Variants in PNLIPRP3 observed in about 807,000 individuals in gnomAD.
PNLIPRP3 encodes pancreatic lipase related protein 3, also known as pancreatic lipase-related protein 3.
Under a neutral mutation model 52.8 loss-of-function variants are expected in PNLIPRP3, and 58 were observed. That is an observed-to-expected ratio of 1.10 (90% CI 0.89 to 1.37). PNLIPRP3 has a LOEUF of 1.37. Among genes scored for constraint, PNLIPRP3 ranks in the 40% most tolerant of loss-of-function variants. The pLI, the probability that PNLIPRP3 is intolerant of heterozygous loss-of-function variation, is 0.00. For synonymous variants in PNLIPRP3, 192 were observed against 185.0 expected (o/e 1.04, Z -0.31); for missense variants, 593 against 561.6 (o/e 1.06, Z -0.57).
chr10:116,462,036 T>G (rs926848466), intron 7 of PNLIPRP3, among the ~76,000 whole-genome samples: 15 of 152,150 alleles, frequency 9.9e-5, no homozygotes, highest in Non-Finnish European at 2.2e-4. Context: ...TAGAAAAGAC[T>G]TAAGCTTTCA....
chr10:116,442,970 T>C (rs1470557994), intron 2 of PNLIPRP3, 85 bp from the exon 3 acceptor site: 1 of 1,059,404 alleles, frequency 9.4e-7, no homozygotes, highest in Admixed American at 3.8e-5. Context: ...AGTGAAAGGC[T>C]TTCGAGCAGC....
chr10:116,436,470 G>T (rs1488463664), intron 1 of PNLIPRP3, among the ~76,000 whole-genome samples: 2 of 152,040 alleles, frequency 1.3e-5, no homozygotes, highest in East Asian at 3.8e-4. Flanking sequence ...AAAAGCACAG[G>T]CAACGAAATA....
chr10:116,440,250 G>A (rs1301244009), intron 2 of PNLIPRP3, among the ~76,000 whole-genome samples: 2 of 152,132 alleles, frequency 1.3e-5, no homozygotes, highest in African/African-American at 4.8e-5. Flanking sequence ...AAGTGGCCAT[G>A]CACTTGAATT....
chr10:116,443,887 G>A (rs1228948891), intron 3 of PNLIPRP3, among the ~76,000 whole-genome samples: 2 of 145,174 alleles, frequency 1.4e-5, no homozygotes, highest in Admixed American at 7.0e-5. Context: ...ACAGAGCTTA[G>A]CCTGTGGTAG....
At chr10:116,460,770 G>A (rs888371873) in intron 5 of PNLIPRP3, among the ~76,000 whole-genome samples, 196 bp from the exon 6 acceptor site, 2 of 151,822 alleles carry the variant, frequency 1.3e-5, no homozygotes, top group Admixed American at 6.5e-5. Context: ...TCTCAACATA[G>A]CATTACTTAT....
chr10:116,474,644 T>C (rs1288165674), intron 10 of PNLIPRP3, among the ~76,000 whole-genome samples: 1 of 151,940 alleles, frequency 6.6e-6, no homozygotes, highest in African/African-American at 2.4e-5. Flanking sequence ...GCAAAGGACA[T>C]CAACAGACAC....
chr10:116,466,479 T>G (rs1400306772), intron 8 of PNLIPRP3, among the ~76,000 whole-genome samples: 1 of 152,208 alleles, frequency 6.6e-6, no homozygotes, highest in African/African-American at 2.4e-5. Context: ...AGGGCAAAAA[T>G]ATTTCTGCAT....
At position 116,444,526 on chromosome 10, in the gene PNLIPRP3, GA is replaced by G. The variant is rs756099707; in HGVS notation, c.456+14del. The G allele has an allele frequency of 9.0e-5, 144 of 1,602,116 alleles. No individual in the cohort carries two copies. Among genetic ancestry groups the G allele is most frequent in the Non-Finnish European group, 1.2e-4 (140 of 1,175,528 alleles). On this transcript the variant is annotated intron_variant, in intron 4 of 11. Transcript: ENST00000369230. Reference sequence around the variant, plus strand: ...TGATGTTCTCATGGTAAGAAGAGTTGATTTTTTTTTAATTATATTGAATTGG... The same window carrying G: ...TGATGTTCTCATGGTAAGAAGAGTTGTTTTTTTTTAATTATATTGAATTGG...
At chr10:116,442,368 A>G (rs1845871022) in intron 2 of PNLIPRP3, among the ~76,000 whole-genome samples, 1 of 152,160 alleles carries the variant, frequency 6.6e-6, no homozygotes, top group Non-Finnish European at 1.5e-5. Flanking sequence ...TGGGGTGGAC[A>G]ACCTCCATTT....
intron 4 of PNLIPRP3, among the ~76,000 whole-genome samples, chr10:116,445,532 T>A (rs1845933291): frequency 7.0e-6 from 1 of 142,794 alleles, no homozygotes; most frequent in Non-Finnish European, 1.5e-5. Context: ...AAGGATGAAA[T>A]CAGATTCATC....
intron 3 of PNLIPRP3, among the ~76,000 whole-genome samples, chr10:116,443,998 A>T (rs1845904335): frequency 6.6e-6 from 1 of 151,954 alleles, no homozygotes; most frequent in Admixed American, 6.5e-5. Context: ...ATTGACTCAC[A>T]GTTCAGCATA....
At chr10:116,457,381 C>CA (rs1846130938) in intron 5 of PNLIPRP3, among the ~76,000 whole-genome samples, 1 of 152,166 alleles carries the variant, frequency 6.6e-6, no homozygotes, top group African/African-American at 2.4e-5. Context: ...CTCACACACA[C>CA]ACACATACAT....
chr10:116,473,817 G>A (rs7088209), intron 10 of PNLIPRP3, among the ~76,000 whole-genome samples: 2,470 of 151,986 alleles, frequency 0.016, 72 homozygotes, highest in African/African-American at 0.057. Flanking sequence ...CACCGCACCT[G>A]GCCAAACTGC....
chr10:116,466,740 A>G (rs1193281048), intron 8 of PNLIPRP3, among the ~76,000 whole-genome samples: 1 of 152,232 alleles, frequency 6.6e-6, no homozygotes, highest in Non-Finnish European at 1.5e-5. Context: ...AGTGGAAAAG[A>G]TCTTCATTCT....
rs1845827172 is a variant in PNLIPRP3 at position 116,439,539 on chromosome 10, C to T, written c.204+2674C>T. 1.8e-5 allele frequency: 15 copies of T among 829,986 alleles called. No individual in the cohort carries two copies. In the Admixed American group the frequency reaches 2.2e-4, roughly 12 times the overall value. 51.4% of individuals were successfully genotyped at this position (829,986 alleles called of 1,614,324 possible). ...TTTTTTCCGGGCAACTTTAGCAGGA[C>T]GCTTTGCGCCATCAAACTTTACTTT... On this transcript the variant is annotated intron_variant, in intron 2 of 11. Coordinates refer to ENST00000369230, the MANE Select transcript of PNLIPRP3 (RefSeq NM_001011709.3).
At chr10:116,459,281 TAAA>T (rs368186368) in intron 5 of PNLIPRP3, among the ~76,000 whole-genome samples, 1 of 129,320 alleles carries the variant, frequency 7.7e-6, no homozygotes, top group East Asian at 2.2e-4. Context: ...GTCAGAAAAA[TAAA>T]AAAAAAAAAA....
intron 9 of PNLIPRP3, among the ~76,000 whole-genome samples, 165 bp from the exon 10 acceptor site, chr10:116,471,603 T>C (rs550326299): frequency 6.6e-6 from 1 of 152,356 alleles, no homozygotes; most frequent in African/African-American, 2.4e-5. Context: ...ACGTAGTTTT[T>C]CACCAAATTC....
At chr10:116,466,975 A>G (rs1483304521) in intron 8 of PNLIPRP3, among the ~76,000 whole-genome samples, 1 of 152,168 alleles carries the variant, frequency 6.6e-6, no homozygotes, top group Non-Finnish European at 1.5e-5. Flanking sequence ...CATTTTCCAC[A>G]TATCCTCCTT....
chr10:116,432,485 A>G (rs1246271811), intron 1 of PNLIPRP3, among the ~76,000 whole-genome samples: 1 of 152,234 alleles, frequency 6.6e-6, no homozygotes, highest in East Asian at 1.9e-4. Context: ...GTGGAAAATA[A>G]AATAAGTAAA....
Sources: allele counts gnomAD v4.1 joint callset (sites outside exome capture counted in the v4.1 genomes callset), GRCh38; gene constraint gnomAD v4.1.1; transcripts MANE v1.5; gene names NCBI Gene and HGNC (gene_info 2026-07-23, HGNC 2026-07-21).